Variants in ZMIZ1 observed in about 807,000 individuals in gnomAD.
ZMIZ1 encodes zinc finger MIZ-type containing 1.
ZMIZ1 carries 17 observed loss-of-function variants against 113.9 expected under a neutral mutation model. The observed-to-expected ratio is 0.15, with a 90% CI of 0.10 to 0.22. The LOEUF (loss-of-function observed/expected upper bound fraction) is 0.22, where lower values mean the gene tolerates loss of function less well. Among genes scored for constraint, ZMIZ1 ranks in the 10% least tolerant of loss-of-function variants. The pLI, the probability that ZMIZ1 is intolerant of heterozygous loss-of-function variation, is 1.00. For missense variants in ZMIZ1, 1,059 were observed against 1,477.8 expected (o/e 0.72, Z 4.65); for synonymous variants, 607 against 603.1 (o/e 1.01, Z -0.09).
In ZMIZ1 at chr10:79,197,603, CACACACAT is replaced by C. The variant is rs1342838042; in HGVS notation, c.-49-3973_-49-3966del. ...CCTGCCAACCCAGACCATACACACA[CACACACAT>C]ACACACACACACACACACACACACA... is the stretch of plus-strand genomic sequence containing the variant. On this transcript the variant is annotated intron_variant, in intron 4 of 24. Transcript: ENST00000334512. 7.2e-3 allele frequency among the ~76,000 whole-genome samples: 985 copies of C among 137,240 alleles called. 6 individuals are homozygous for C. Among genetic ancestry groups the C allele is most frequent in the Middle Eastern group, 0.014 (4 of 278 alleles). The allele number at this position is 137,240 out of a possible 152,430, so 90.0% of individuals were successfully genotyped here.
intron 6 of ZMIZ1, among the ~76,000 whole-genome samples, chr10:79,214,683 T>C (rs978921202): frequency 6.6e-6 from 1 of 152,182 alleles, no homozygotes; most frequent in Non-Finnish European, 1.5e-5. Context: ...AGCAGGTGGT[T>C]CCTGGGGGCT....
intron 4 of ZMIZ1, among the ~76,000 whole-genome samples, chr10:79,167,824 C>T (rs1305243748): frequency 1.3e-5 from 2 of 152,180 alleles, no homozygotes; most frequent in African/African-American, 4.8e-5. Context: ...AAAGGTCACC[C>T]CTGCCCTCCA....
rs17474128 is a variant in ZMIZ1 at position 79,180,427 on chromosome 10, G to A, written c.-50+18294G>A. On this transcript the variant is annotated intron_variant, in intron 4 of 24. Transcript: ENST00000334512. ...GACCCCTGTCAGAGCTAGCTTCCCTGATACCAAAATGAACCCTCCTTTTTC... is the reference window on the plus strand; with the variant it reads ...GACCCCTGTCAGAGCTAGCTTCCCTAATACCAAAATGAACCCTCCTTTTTC... Among the ~76,000 whole-genome samples the A allele has an allele frequency of 9.9e-3, 1,503 of 152,296 alleles. 31 individuals are homozygous for A. The highest frequency in any genetic ancestry group is 0.067 in the South Asian group (322 of 4,830).
intron 7 of ZMIZ1, among the ~76,000 whole-genome samples, chr10:79,273,774 C>A (rs997922866): frequency 6.6e-6 from 1 of 152,286 alleles, no homozygotes; most frequent in Non-Finnish European, 1.5e-5. Flanking sequence ...CCTTGGCAGG[C>A]TTTGGAGTAT....
chr10:79,213,890 T>A (rs1287800570), intron 6 of ZMIZ1, among the ~76,000 whole-genome samples: 1 of 152,158 alleles, frequency 6.6e-6, no homozygotes, highest in African/African-American at 2.4e-5. Context: ...GCTGAAAGAA[T>A]TTGCACTTTG....
intron 3 of ZMIZ1, among the ~76,000 whole-genome samples, chr10:79,143,047 A>T (rs1028264573): frequency 2.6e-5 from 4 of 152,020 alleles, no homozygotes; most frequent in African/African-American, 9.7e-5. Context: ...GTGTCACTTC[A>T]TTCTTTCTCC....
At chr10:79,292,507 T>A in intron 11 of ZMIZ1, 151 bp downstream of exon 11, 2 of 1,036,988 alleles carry the variant, frequency 1.9e-6, no homozygotes, top group South Asian at 3.0e-5. Context: ...CATGGAAGCA[T>A]GTGGAGGTCT....
chr10:79,094,425 G>A (rs1188698035), intron 1 of ZMIZ1, among the ~76,000 whole-genome samples: 1 of 152,248 alleles, frequency 6.6e-6, no homozygotes, highest in Admixed American at 6.5e-5. Flanking sequence ...TCAGCGGCCT[G>A]GGTTCAAACC....
chr10:79,191,413 T>C (rs1248175283), intron 4 of ZMIZ1, among the ~76,000 whole-genome samples: 1 of 152,050 alleles, frequency 6.6e-6, no homozygotes, highest in Non-Finnish European at 1.5e-5. Context: ...CATCCTTCCC[T>C]ATATCCTCCA....
intron 7 of ZMIZ1, among the ~76,000 whole-genome samples, chr10:79,263,071 G>A (rs914693626): frequency 6.6e-6 from 1 of 152,250 alleles, no homozygotes; most frequent in Admixed American, 6.5e-5. Context: ...CCATCTGAAG[G>A]TTGTCATCTC....
intron 1 of ZMIZ1, among the ~76,000 whole-genome samples, chr10:79,115,443 C>T (rs1244981937): frequency 6.6e-6 from 1 of 152,184 alleles, no homozygotes; most frequent in Non-Finnish European, 1.5e-5. Flanking sequence ...GTGACAGGTG[C>T]TGTGGCCTGT....
intron 4 of ZMIZ1, among the ~76,000 whole-genome samples, chr10:79,194,788 T>C (rs1847763013): frequency 1.3e-5 from 2 of 152,186 alleles, no homozygotes. Flanking sequence ...CAGCCCTCTA[T>C]ACATAATAGC....
Position 79,296,731 on chromosome 10 carries a change from C to A in ZMIZ1, c.1413+78C>A. 7.2e-7 allele frequency: 1 copy of A among 1,394,904 alleles called. No individual in the cohort carries two copies. 86.4% of individuals were successfully genotyped at this position (1,394,904 alleles called of 1,614,324 possible). ...CACTCCCCTAACTCCACCGGGATCA[C>A]TCTGACCCTGCGTGTGTTTGCCCCA... On this transcript the variant is annotated intron_variant, in intron 13 of 24. Transcript: ENST00000334512. The surrounding 1 kb of genome is among the most constrained non-coding windows in gnomAD (Gnocchi z 4.1).
At chr10:79,167,506 G>C (rs532011996) in intron 4 of ZMIZ1, among the ~76,000 whole-genome samples, 1 of 152,170 alleles carries the variant, frequency 6.6e-6, no homozygotes, top group African/African-American at 2.4e-5. Flanking sequence ...ATAAGGAACC[G>C]AGGCACAGGG....
intron 7 of ZMIZ1, among the ~76,000 whole-genome samples, chr10:79,216,675 C>T (rs1238981166): frequency 6.6e-6 from 1 of 152,238 alleles, no homozygotes; most frequent in Non-Finnish European, 1.5e-5. Context: ...CAAGGCCACA[C>T]AGCTGGAAGG....
chr10:79,122,764 A>G (rs1844354226), intron 2 of ZMIZ1, among the ~76,000 whole-genome samples: 1 of 152,154 alleles, frequency 6.6e-6, no homozygotes, highest in South Asian at 2.1e-4. Flanking sequence ...CAGAGGTACA[A>G]CCATCCTAAG....
intron 4 of ZMIZ1, among the ~76,000 whole-genome samples, chr10:79,170,052 C>T (rs543094762): frequency 6.6e-6 from 1 of 152,190 alleles, no homozygotes; most frequent in African/African-American, 2.4e-5. Context: ...GCTAGCACAC[C>T]CAGGCCACCT....
At chr10:79,276,935 C>T (rs186984155) in intron 7 of ZMIZ1, among the ~76,000 whole-genome samples, 4 of 152,282 alleles carry the variant, frequency 2.6e-5, no homozygotes, top group East Asian at 1.9e-4. Context: ...ACTTCCTGCA[C>T]GCGGGCCATT....
chr10:79,110,586 G>C (rs923271623), intron 1 of ZMIZ1, among the ~76,000 whole-genome samples: 5 of 152,346 alleles, frequency 3.3e-5, no homozygotes, highest in African/African-American at 1.2e-4. Context: ...CTACAAAGGA[G>C]CTGGCTCCTG....
Sources: allele counts gnomAD v4.1 joint callset (sites outside exome capture counted in the v4.1 genomes callset), GRCh38; gene constraint gnomAD v4.1.1; non-coding constraint Gnocchi (gnomAD v3.1); transcripts MANE v1.5; gene names NCBI Gene and HGNC (gene_info 2026-07-23, HGNC 2026-07-21).